Variants in PKHD1L1 observed in about 807,000 individuals in gnomAD.
The protein encoded by PKHD1L1 is fibrocystin-L.
In PKHD1L1, 434 loss-of-function variants were observed where a neutral mutation model predicts 462.9. The ratio of observed to expected loss-of-function variants is 0.94; its 90% confidence interval spans 0.87 to 1.02. The LOEUF (loss-of-function observed/expected upper bound fraction) is 1.02. PKHD1L1 is among the 50% of genes least tolerant of loss of function. PKHD1L1 has a pLI of 0.00. For missense variants in PKHD1L1, 5,202 were observed against 5,096.1 expected (o/e 1.02, Z -0.63); for synonymous variants, 1,781 against 1,750.0 (o/e 1.02, Z -0.44).
At chr8:109,416,545 C>G (rs1461590563) in intron 21 of PKHD1L1, among the ~76,000 whole-genome samples, 3 of 152,148 alleles carry the variant, frequency 2.0e-5, no homozygotes, top group Non-Finnish European at 4.4e-5. Context: ...CCCCAGTGCA[C>G]AAATATATGC....
At chr8:109,415,866 T>G (rs754727889) in intron 21 of PKHD1L1, among the ~76,000 whole-genome samples, 20 of 74,906 alleles carry the variant, frequency 2.7e-4, no homozygotes, top group South Asian at 4.1e-4. Context: ...AAAAAAGGGG[T>G]GTGTGTGTGT....
intron 54 of PKHD1L1, 41 bp downstream of exon 54, chr8:109,479,680 G>A (rs1237863071): frequency 1.5e-6 from 2 of 1,302,848 alleles, no homozygotes; most frequent in Non-Finnish European, 1.1e-6. Flanking sequence ...TTTGTTTTCT[G>A]CAATATTAAC....
At chr8:109,391,020 A>T (rs1812686441) in intron 9 of PKHD1L1, among the ~76,000 whole-genome samples, 1 of 152,230 alleles carries the variant, frequency 6.6e-6, no homozygotes, top group African/African-American at 2.4e-5. Flanking sequence ...TCTAATTTCA[A>T]TAAGAAAGAT....
In PKHD1L1 at chr8:109,433,232, A is replaced by C. The variant is rs1324001188; in HGVS notation, c.3340+16A>C. The C allele has an allele frequency of 6.5e-7, 1 of 1,546,444 alleles. No individual in the cohort carries two copies. Among genetic ancestry groups the C allele is most frequent in the Non-Finnish European group, 8.9e-7 (1 of 1,122,160 alleles). On this transcript the variant is annotated intron_variant, in intron 28 of 77. Coordinates refer to ENST00000378402, the MANE Select transcript of PKHD1L1 (RefSeq NM_177531.6). Reference sequence around the variant, plus strand: ...TCTGTGGATGGTAGGTCCTTTTAAAAACTATTAAGTCTAATTGTTCTTCTC... The same window carrying C: ...TCTGTGGATGGTAGGTCCTTTTAAACACTATTAAGTCTAATTGTTCTTCTC...
chr8:109,381,555 A>G, intron 3 of PKHD1L1, 41 bp downstream of exon 3: 2 of 1,408,980 alleles, frequency 1.4e-6, no homozygotes, highest in Non-Finnish European at 1.9e-6. Flanking sequence ...TTTTCATCAT[A>G]TCAGAAGTTA....
rs1158747769 is a variant in PKHD1L1, at chr8:109,535,684, C to G, written c.*5594C>G. 6.6e-6 allele frequency among the ~76,000 whole-genome samples: 1 copy of G among 152,098 alleles called. No individual in the cohort carries two copies. The highest frequency in any genetic ancestry group is 2.4e-5 in the African/African-American group (1 of 41,394). ...CTGGAAAATTTAAAAAGGTCAGTTA[C>G]TATGAAGAAGGTGTAACAATATTTA... On this transcript the variant is annotated 3_prime_UTR_variant, in exon 78 of 78. Transcript: ENST00000378402.
intron 2 of PKHD1L1, among the ~76,000 whole-genome samples, chr8:109,371,092 A>G (rs1368786533): frequency 6.6e-6 from 1 of 152,214 alleles, no homozygotes; most frequent in African/African-American, 2.4e-5. Flanking sequence ...GACTTCCGCA[A>G]TGGTTGAACT....
intron 4 of PKHD1L1, 101 bp from the exon 5 acceptor site, chr8:109,383,969 A>G (rs1244687390): frequency 6.2e-6 from 5 of 812,732 alleles, no homozygotes; most frequent in Middle Eastern, 2.2e-4. Context: ...CAGTTACATT[A>G]TGAATATTGT....
intron 70 of PKHD1L1, 34 bp downstream of exon 70, chr8:109,508,298 C>G (rs748202931): frequency 1.0e-5 from 16 of 1,542,660 alleles, no homozygotes; most frequent in African/African-American, 1.4e-5. Context: ...TACAATTACT[C>G]AAAACATTGC....
chr8:109,470,433 A>C (rs1817660906), intron 50 of PKHD1L1: 3 of 1,599,374 alleles, frequency 1.9e-6, no homozygotes, highest in Non-Finnish European at 2.6e-6. Flanking sequence ...AGAAAGGCAA[A>C]TCAAAATGTG....
At chr8:109,493,516 G>A (rs1350388903) in intron 62 of PKHD1L1, 145 bp from the exon 63 acceptor site, 1 of 453,570 alleles carries the variant, frequency 2.2e-6, no homozygotes, top group Non-Finnish European at 3.8e-6. Context: ...AGTTTGAATG[G>A]GGTAAATAAT....
Position 109,464,995 on chromosome 8 carries a change from A to AT in PKHD1L1, c.8167dup (p.Cys2723LeufsTer11). 1 of 1,613,778 alleles carries AT rather than the reference A, an allele frequency of 6.2e-7. No homozygotes were observed. Among genetic ancestry groups the AT allele is most frequent in the Admixed American group, 1.7e-5 (1 of 59,982 alleles). On this transcript the variant is annotated frameshift_variant, in exon 49 of 78. Coordinates refer to ENST00000378402, the MANE Select transcript of PKHD1L1 (RefSeq NM_177531.6). LOFTEE classifies it high-confidence loss of function. The stretch of plus-strand genomic sequence containing the variant: ...TTGATGAACTGGGAATGGGGTCTGC[A>AT]TTTTGCACAGCAAAAGGCCTGGTTC...
intron 49 of PKHD1L1, among the ~76,000 whole-genome samples, chr8:109,465,465 T>G (rs1222944130): frequency 3.9e-5 from 6 of 152,160 alleles, no homozygotes; most frequent in Non-Finnish European, 8.8e-5. Flanking sequence ...TATGTCCTTT[T>G]TCTCCTGCAT....
intron 67 of PKHD1L1, among the ~76,000 whole-genome samples, chr8:109,502,017 A>G (rs1421449285): frequency 6.6e-6 from 1 of 151,890 alleles, no homozygotes; most frequent in Non-Finnish European, 1.5e-5. Flanking sequence ...CCTGTGTACT[A>G]CCCAAATTTC....
chr8:109,471,513 G>A (rs1045810217), intron 50 of PKHD1L1, among the ~76,000 whole-genome samples: 4 of 152,124 alleles, frequency 2.6e-5, no homozygotes, highest in African/African-American at 9.7e-5. Context: ...TCATTCATGA[G>A]TATTTCCAAG....
At chr8:109,381,326 G>T in intron 2 of PKHD1L1, 44 bp from the exon 3 acceptor site, 1 of 1,486,712 alleles carries the variant, frequency 6.7e-7, no homozygotes. Flanking sequence ...GGTCTCTGAA[G>T]ATAGAATACC....
intron 47 of PKHD1L1, 51 bp downstream of exon 47, chr8:109,459,887 A>G: frequency 6.7e-7 from 1 of 1,503,504 alleles, no homozygotes; most frequent in South Asian, 1.4e-5. Flanking sequence ...ATAGTTTTAC[A>G]ATTTAATTGG....
chr8:109,371,223 G>A (rs980068895), intron 2 of PKHD1L1, among the ~76,000 whole-genome samples: 13 of 152,218 alleles, frequency 8.5e-5, no homozygotes, highest in African/African-American at 3.1e-4. Context: ...GTATCTCATT[G>A]TGGTTTTGAT....
chr8:109,529,993 A>G lies in PKHD1L1; in HGVS notation c.12722-87A>G, dbSNP rs76164937. The G allele has an allele frequency of 3.2e-3, 2,686 of 851,880 alleles. 58 individuals carry two copies. In the African/African-American group the frequency reaches 0.045, roughly 14 times the overall value. 52.8% of individuals were successfully genotyped at this position (851,880 alleles called of 1,614,324 possible). A position where few individuals can be genotyped will look rare whatever the true frequency, so the allele number is the denominator to read the frequency against. On this transcript the variant is annotated intron_variant, in intron 77 of 77. Transcript: ENST00000378402. ...CTGCTAACTGTACCATAAAAATGAG[A>G]AAAGTTAAAATTAATGAAATATATT...
Sources: gnomAD v4.1 joint callset for allele counts (sites outside exome capture counted in the v4.1 genomes callset) on GRCh38, gnomAD v4.1.1 for gene constraint, MANE v1.5 for transcripts, NCBI Gene and HGNC (gene_info 2026-07-23, HGNC 2026-07-21) for gene names.